Variants in HMG20A observed in about 807,000 individuals in gnomAD.
The protein encoded by HMG20A is high mobility group 20A.
HMG20A carries 17 observed loss-of-function variants against 43.9 expected under a neutral mutation model. That is an observed-to-expected ratio of 0.39 (90% CI 0.27 to 0.58). The LOEUF is 0.58. HMG20A is among the 20% of genes least tolerant of loss of function. The probability of loss-of-function intolerance (pLI) is 0.59; values close to 1 mark genes in which losing one functional copy is unlikely to be tolerated. For synonymous variants in HMG20A, 132 were observed against 147.5 expected, an observed-to-expected ratio of 0.89 and a Z score of 0.76; for missense variants, 341 against 438.2, an observed-to-expected ratio of 0.78 and a Z score of 1.98.
intron 5 of HMG20A, 78 bp downstream of exon 5, chr15:77,471,120 T>TA: frequency 7.1e-7 from 1 of 1,411,072 alleles, no homozygotes; most frequent in Admixed American, 2.4e-5. Context: ...TTAAGAGTGG[T>TA]AACTATAAAA....
At chr15:77,429,939 CACTT>C (rs781415426) in intron 1 of HMG20A, among the ~76,000 whole-genome samples, 25 of 152,088 alleles carry the variant, frequency 1.6e-4, no homozygotes, top group Non-Finnish European at 2.2e-4. Flanking sequence ...ATTTACTGAC[CACTT>C]ACTTGTGTCA....
At chr15:77,515,261 CTT>C in the HMG20A span, among the ~76,000 whole-genome samples, 1 of 152,106 alleles carries the variant, frequency 6.6e-6, no homozygotes, top group African/African-American at 2.4e-5. Context: ...GAGTGTATGT[CTT>C]TTGTGAAGGA....
the HMG20A span, among the ~76,000 whole-genome samples, chr15:77,493,910 A>C: frequency 6.6e-6 from 1 of 152,198 alleles, no homozygotes; most frequent in Non-Finnish European, 1.5e-5. Context: ...TTAAGTCAGC[A>C]GATGTAGGTG....
the HMG20A span, among the ~76,000 whole-genome samples, chr15:77,517,958 T>C: frequency 6.6e-6 from 1 of 152,084 alleles, no homozygotes; most frequent in Non-Finnish European, 1.5e-5. Flanking sequence ...AAACAGTAAA[T>C]GAAATATTGA....
intron 1 of HMG20A, among the ~76,000 whole-genome samples, chr15:77,447,071 G>A (rs1175655721): frequency 6.6e-6 from 1 of 152,148 alleles, no homozygotes; most frequent in Non-Finnish European, 1.5e-5. Flanking sequence ...AATAGGGGAA[G>A]TACTCTACAC....
chr15:77,459,759 C>T (rs1435540179), intron 2 of HMG20A, among the ~76,000 whole-genome samples: 2 of 152,126 alleles, frequency 1.3e-5, no homozygotes, highest in African/African-American at 4.8e-5. Flanking sequence ...TAGAGGACTA[C>T]ATCAGTCCTT....
In HMG20A at chr15:77,478,430, G is replaced by C. The variant is rs755249948; in HGVS notation, c.827G>C (p.Ser276Thr). 143 of 1,612,682 alleles carry C rather than the reference G, an allele frequency of 8.9e-5. No individual in the cohort carries two copies. Among genetic ancestry groups the C allele is most frequent in the Non-Finnish European group, 1.2e-4 (138 of 1,180,046 alleles). Residue 276 changes from serine (S) to threonine (T), a missense_variant, in exon 8 of 10, where the codon AGC (serine) becomes ACC (threonine). By Grantham distance (58) the Ser-to-Thr change is moderately conservative (BLOSUM62 1). Around this residue, in one of 3 missense-constraint regions of HMG20A, gnomAD observed 118 missense variants for 154.5 expected, o/e 0.76. Coordinates refer to ENST00000336216, the MANE Select transcript of HMG20A (RefSeq NM_001304504.2). ...GAGGTGGATGTGATCCAGGAGCGGA[G>C]CCGCAACACAGTCTTACAGCAGCAC... The part of the protein sequence containing the change: ...KLEVDVIQER[S>T]RNTVLQQHLE...
At chr15:77,437,220 A>G (rs972873130) in intron 1 of HMG20A, among the ~76,000 whole-genome samples, 1 of 152,146 alleles carries the variant, frequency 6.6e-6, no homozygotes, top group Non-Finnish European at 1.5e-5. Context: ...TTATTGGTAT[A>G]TTTGCTGAAC....
At chr15:77,439,662 T>C (rs1458536669) in intron 1 of HMG20A, among the ~76,000 whole-genome samples, 1 of 152,198 alleles carries the variant, frequency 6.6e-6, no homozygotes, top group Admixed American at 6.5e-5. Flanking sequence ...GGTTCCACTT[T>C]GAGGCTATTA....
At chr15:77,487,311 A>C (rs2072950661), downstream of HMG20A, among the ~76,000 whole-genome samples, 1 of 152,248 alleles carries the variant, frequency 6.6e-6, no homozygotes. Flanking sequence ...GAGAAAATGA[A>C]TATAGAGTAG....
the HMG20A span, among the ~76,000 whole-genome samples, chr15:77,506,552 T>A: frequency 3.9e-5 from 6 of 152,252 alleles, no homozygotes; most frequent in Admixed American, 2.0e-4. Flanking sequence ...CCTTTGTTGC[T>A]GAGCACCTAG....
downstream of HMG20A, among the ~76,000 whole-genome samples, chr15:77,486,830 A>G (rs188135149): frequency 6.6e-5 from 10 of 152,336 alleles, no homozygotes; most frequent in Admixed American, 2.0e-4. Flanking sequence ...GGAGGACAGG[A>G]AGATAGGAAG....
At chr15:77,457,510 A>T (rs530832338) in intron 1 of HMG20A, among the ~76,000 whole-genome samples, 1 of 152,370 alleles carries the variant, frequency 6.6e-6, no homozygotes, top group African/African-American at 2.4e-5. Flanking sequence ...TGCTGCTTTT[A>T]ACTACATGGG....
intron 9 of HMG20A, among the ~76,000 whole-genome samples, chr15:77,480,572 A>G (rs2072897526): frequency 6.6e-6 from 1 of 150,586 alleles, no homozygotes; most frequent in Non-Finnish European, 1.5e-5. Context: ...GGGTCACACT[A>G]GTGTATTCTA....
chr15:77,483,956 C>G lies in HMG20A; in HGVS notation c.*993C>G, dbSNP rs1166866099. On this transcript the variant is annotated 3_prime_UTR_variant, in exon 10 of 10. Transcript: ENST00000336216. ...ATCATTCAAAATAGTCACTTGAGCT[C>G]ACAAAAAAAGCAAGGAAGAATTCTC... 2.0e-5 allele frequency: 3 copies of G among 152,032 alleles called. No homozygotes were observed. The highest frequency in any genetic ancestry group is 4.4e-5 in the Non-Finnish European group (3 of 67,984). 9.4% of individuals were successfully genotyped at this position (152,032 alleles called of 1,614,324 possible).
At chr15:77,464,487 T>C (rs2142335526) in intron 3 of HMG20A, 100 bp downstream of exon 3, 1 of 1,257,216 alleles carries the variant, frequency 8.0e-7, no homozygotes, top group South Asian at 1.4e-5. Flanking sequence ...GACCTTCTTA[T>C]ATTCTTAGGC....
At chr15:77,428,686 A>T (rs1165943073) in intron 1 of HMG20A, among the ~76,000 whole-genome samples, 1 of 152,152 alleles carries the variant, frequency 6.6e-6, no homozygotes, top group African/African-American at 2.4e-5. Context: ...AGTGGACTCT[A>T]GGCTGGGTGT....
At chr15:77,473,052 A>G (rs570757313) in intron 6 of HMG20A, among the ~76,000 whole-genome samples, 1 of 152,240 alleles carries the variant, frequency 6.6e-6, no homozygotes, top group African/African-American at 2.4e-5. Context: ...ACTCTTTTAC[A>G]TGTGTTTGGT....
chr15:77,428,035 G>A (rs541842716), intron 1 of HMG20A, among the ~76,000 whole-genome samples: 10 of 152,310 alleles, frequency 6.6e-5, no homozygotes, highest in Non-Finnish European at 1.5e-4. Context: ...GGAGGATAAT[G>A]GAAAGTGGAA....
Sources: gnomAD v4.1 joint callset for allele counts (sites outside exome capture counted in the v4.1 genomes callset) on GRCh38, gnomAD v4.1.1 for gene constraint, gnomAD v4.1.1 regional missense constraint, MANE v1.5 for transcripts, NCBI Gene and HGNC (gene_info 2026-07-23, HGNC 2026-07-21) for gene names.